The following MAPK4 variants were observed in gnomAD, a reference collection of about 807,000 sequenced individuals.
The protein encoded by MAPK4 is mitogen-activated protein kinase 4.
A neutral mutation model predicts 47.7 loss-of-function variants in MAPK4; 22 were observed. The observed-to-expected ratio is 0.46, with a 90% CI of 0.33 to 0.66. The LOEUF (loss-of-function observed/expected upper bound fraction) is 0.66, where lower values mean the gene tolerates loss of function less well. MAPK4 is among the 30% of genes least tolerant of loss of function. The probability of loss-of-function intolerance (pLI) is 0.02; values close to 1 mark genes in which losing one functional copy is unlikely to be tolerated. For synonymous variants in MAPK4, 390 were observed against 365.7 expected, an observed-to-expected ratio of 1.07 and a Z score of -0.76; for missense variants, 736 against 831.7, an observed-to-expected ratio of 0.88 and a Z score of 1.42.
chr18:50,607,524 G>A (rs569333671), intron 1 of MAPK4, among the ~76,000 whole-genome samples: 11 of 152,274 alleles, frequency 7.2e-5, no homozygotes, highest in Non-Finnish European at 1.3e-4. Flanking sequence ...CTGTGACAGG[G>A]CAAGAATGAA....
In MAPK4 at chr18:50,581,813, G is replaced by A. The variant is rs2042348319; in HGVS notation, c.-871+21570G>A. ...TACTGGGATACGTGACATGTCCTAG[G>A]AGTTTGGGGACCTAGGAAAGTTACA... On this transcript the variant is annotated intron_variant, in intron 1 of 5. Coordinates refer to ENST00000400384, the MANE Select transcript of MAPK4 (RefSeq NM_002747.4). Among the ~76,000 whole-genome samples, 2 of 152,184 alleles carry A rather than the reference G, an allele frequency of 1.3e-5. 1 individual carries two copies. The highest frequency in any genetic ancestry group is 4.1e-4 in the South Asian group (2 of 4,822).
At chr18:50,702,102 C>T (rs549964231) in intron 2 of MAPK4, among the ~76,000 whole-genome samples, 2 of 130,720 alleles carry the variant, frequency 1.5e-5, no homozygotes, top group East Asian at 4.7e-4. Flanking sequence ...GCGGAGGTTG[C>T]AGTGAGCTGA....
chr18:50,662,416 T>C lies in MAPK4; in HGVS notation c.-870-673T>C, dbSNP rs1205725908. On this transcript the variant is annotated intron_variant, in intron 1 of 5. Transcript: ENST00000400384. ...CATTGCTTTGAAGAGCGAGGTCACA[T>C]TGTCAAAAAGAATACAGCTCACCAT... Among the ~76,000 whole-genome samples, 3 of 152,198 alleles carry C rather than the reference T, an allele frequency of 2.0e-5. 1 individual carries two copies. Among genetic ancestry groups the C allele is most frequent in the Admixed American group, 1.3e-4 (2 of 15,282 alleles).
intron 1 of MAPK4, among the ~76,000 whole-genome samples, chr18:50,644,713 C>T (rs769818067): frequency 2.6e-5 from 4 of 152,208 alleles, no homozygotes; most frequent in Non-Finnish European, 4.4e-5. Context: ...GAAAGGGAAC[C>T]TGGTATCTTA....
intron 2 of MAPK4, among the ~76,000 whole-genome samples, chr18:50,673,882 C>T (rs1388021466): frequency 6.6e-6 from 1 of 152,154 alleles, no homozygotes; most frequent in Non-Finnish European, 1.5e-5. Context: ...CTGAATTTAC[C>T]ATTTTTTTTC....
chr18:50,564,064 T>G lies in MAPK4; in HGVS notation c.-871+3821T>G, dbSNP rs530900779. 1.9e-4 allele frequency among the ~76,000 whole-genome samples: 29 copies of G among 152,276 alleles called. 1 individual carries two copies. The South Asian group carries it at 5.0e-3, about 26-fold the overall frequency. ...CACCACCCCCTCACATAGCCAGTCT[T>G]GGCAAGGGTCCTTGCAGTCCCATGA... On this transcript the variant is annotated intron_variant, in intron 1 of 5. Coordinates refer to ENST00000400384, the MANE Select transcript of MAPK4 (RefSeq NM_002747.4).
intron 1 of MAPK4, among the ~76,000 whole-genome samples, chr18:50,588,541 T>A (rs1486967384): frequency 3.4e-5 from 4 of 119,044 alleles, no homozygotes; most frequent in Admixed American, 9.1e-5. Context: ...GGAGGTGAAA[T>A]AGACTCCATC....
intron 1 of MAPK4, among the ~76,000 whole-genome samples, chr18:50,595,956 C>T (rs928017281): frequency 2.0e-5 from 3 of 152,012 alleles, no homozygotes; most frequent in Non-Finnish European, 4.4e-5. Flanking sequence ...ATACCTGCTT[C>T]GTTTGTCTCA....
At chr18:50,680,636 A>G (rs1018819933) in intron 2 of MAPK4, among the ~76,000 whole-genome samples, 30 of 151,934 alleles carry the variant, frequency 2.0e-4, no homozygotes, top group African/African-American at 6.0e-4. Context: ...TTCTCTATCT[A>G]TGGATTTGCC....
At chr18:50,597,003 G>A (rs150385121) in intron 1 of MAPK4, among the ~76,000 whole-genome samples, 291 of 152,288 alleles carry the variant, frequency 1.9e-3, no homozygotes, top group African/African-American at 6.5e-3. Flanking sequence ...CAATTTAAAA[G>A]CACAGATTTT....
intron 2 of MAPK4, among the ~76,000 whole-genome samples, chr18:50,700,318 T>G (rs1017322453): frequency 1.3e-5 from 2 of 152,184 alleles, no homozygotes; most frequent in Non-Finnish European, 2.9e-5. Flanking sequence ...CCAGCCAAAT[T>G]CTTTATGATG....
At chr18:50,679,156 G>T (rs936932264) in intron 2 of MAPK4, among the ~76,000 whole-genome samples, 4 of 152,202 alleles carry the variant, frequency 2.6e-5, no homozygotes, top group Non-Finnish European at 5.9e-5. Flanking sequence ...TGCGTGGCCT[G>T]GTTTCACAGG....
chr18:50,583,198 G>A (rs1598796059), intron 1 of MAPK4, among the ~76,000 whole-genome samples: 1 of 152,160 alleles, frequency 6.6e-6, no homozygotes, highest in African/African-American at 2.4e-5. Flanking sequence ...TGAGTTTGGG[G>A]GTTTTATGGG....
intron 2 of MAPK4, among the ~76,000 whole-genome samples, chr18:50,681,440 T>C (rs1458222409): frequency 6.6e-6 from 1 of 152,220 alleles, no homozygotes; most frequent in Admixed American, 6.5e-5. Context: ...ATCTAGTTTA[T>C]GTCCTTTTTC....
At chr18:50,633,673 G>A (rs532751174) in intron 1 of MAPK4, among the ~76,000 whole-genome samples, 2 of 152,146 alleles carry the variant, frequency 1.3e-5, no homozygotes, top group African/African-American at 4.8e-5. Context: ...GCTTTGCACT[G>A]CCTAAGGGAT....
intron 1 of MAPK4, among the ~76,000 whole-genome samples, chr18:50,566,026 C>T (rs1020821039): frequency 6.6e-6 from 1 of 152,142 alleles, no homozygotes; most frequent in Non-Finnish European, 1.5e-5. Flanking sequence ...TTTAGATCAC[C>T]TTAGCTTCAG....
chr18:50,697,196 AC>A (rs1909560073), intron 2 of MAPK4, among the ~76,000 whole-genome samples: 1 of 152,220 alleles, frequency 6.6e-6, no homozygotes, highest in Non-Finnish European at 1.5e-5. Context: ...GCTGTTCAAA[AC>A]AAAACCTGGG....
At chr18:50,559,860 G>A (rs2042135418), upstream of MAPK4, among the ~76,000 whole-genome samples, 1 of 151,468 alleles carries the variant, frequency 6.6e-6, no homozygotes, top group Admixed American at 6.6e-5. Flanking sequence ...TCGTCTCCGC[G>A]GGACTGGGTC....
intron 1 of MAPK4, among the ~76,000 whole-genome samples, chr18:50,656,678 G>A (rs2043113055): frequency 6.6e-6 from 1 of 152,160 alleles, no homozygotes. Flanking sequence ...CTCTCTGACT[G>A]ATGGGACTCA....
Sources: gnomAD v4.1 joint callset for allele counts (sites outside exome capture counted in the v4.1 genomes callset) on GRCh38, gnomAD v4.1.1 for gene constraint, MANE v1.5 for transcripts, NCBI Gene and HGNC (gene_info 2026-07-23, HGNC 2026-07-21) for gene names.